IDI1: variants seen among roughly 807,000 people sequenced by gnomAD.
The protein encoded by IDI1 is isopentenyl-diphosphate Delta-isomerase 1.
Under a neutral mutation model 32.9 loss-of-function variants are expected in IDI1, and 23 were observed. The observed-to-expected ratio is 0.70, with a 90% CI of 0.50 to 0.99. The LOEUF (loss-of-function observed/expected upper bound fraction) is 0.99, where lower values mean the gene tolerates loss of function less well. Ranked by LOEUF, IDI1 falls within the 50% of genes least tolerant of loss-of-function variation. The pLI is 0.00. For missense variants in IDI1, 326 were observed against 351.9 expected, an observed-to-expected ratio of 0.93 and a Z score of 0.59; for synonymous variants, 133 against 128.2, an observed-to-expected ratio of 1.04 and a Z score of -0.25.
the IDI1 span, among the ~76,000 whole-genome samples, chr10:1,055,958 G>A: frequency 6.6e-6 from 1 of 152,186 alleles, no homozygotes; most frequent in South Asian, 2.1e-4. Context: ...ACAGGCGCGC[G>A]CCGCCACGCC....
At chr10:1,052,064 G>A (rs907456103), upstream of IDI1, among the ~76,000 whole-genome samples, 13 of 152,078 alleles carry the variant, frequency 8.5e-5, no homozygotes, top group African/African-American at 2.9e-4. Flanking sequence ...GTAGAGCTTG[G>A]GTTTCACCAT....
At chr10:1,043,584 C>A (rs760811393) in intron 2 of IDI1, 191 bp from the exon 3 acceptor site, 1 of 686,724 alleles carries the variant, frequency 1.5e-6, no homozygotes, top group Non-Finnish European at 2.7e-6. Context: ...AGTTGGCCGT[C>A]GAGTGAAGGA....
At position 1,041,120 on chromosome 10, in the gene IDI1, T is replaced by C; in HGVS notation, c.*67A>G. Reference sequence around the variant, plus strand: ...GATAAATTAATGATAGAACTAAATTTAAAAGGAAAAAGTCATTCTAAGTTT... The same window carrying C: ...GATAAATTAATGATAGAACTAAATTCAAAAGGAAAAAGTCATTCTAAGTTT... On this transcript the variant is annotated 3_prime_UTR_variant, in exon 5 of 5. Transcript: ENST00000381344. 1 of 903,104 alleles carries C rather than the reference T, an allele frequency of 1.1e-6. No individual in the cohort carries two copies. Among genetic ancestry groups the C allele is most frequent in the Non-Finnish European group, 1.7e-6 (1 of 600,924 alleles). 55.9% of individuals were successfully genotyped at this position (903,104 alleles called of 1,614,324 possible). A position where few individuals can be genotyped will look rare whatever the true frequency, so the allele number is the denominator to read the frequency against.
At chr10:1,044,682 C>G (rs1832746114) in intron 1 of IDI1, among the ~76,000 whole-genome samples, 1 of 152,184 alleles carries the variant, frequency 6.6e-6, no homozygotes, top group Non-Finnish European at 1.5e-5. Context: ...ATTCAATAAC[C>G]TTTCTACCAA....
At chr10:1,044,393 G>T (rs1832734299) in intron 1 of IDI1, among the ~76,000 whole-genome samples, 1 of 152,156 alleles carries the variant, frequency 6.6e-6, no homozygotes. Flanking sequence ...TGCTCCTGAA[G>T]GCCAAGCTCA....
chr10:1,048,322 T>C (rs1366775125), intron 1 of IDI1: 5 of 1,304,626 alleles, frequency 3.8e-6, no homozygotes, highest in Middle Eastern at 2.1e-4. Context: ...GTTCCATCTA[T>C]GCGATGCTCC....
chr10:1,050,938 AG>A (rs1381874919), upstream of IDI1, among the ~76,000 whole-genome samples: 1 of 152,262 alleles, frequency 6.6e-6, no homozygotes, highest in Non-Finnish European at 1.5e-5. Context: ...ATTTTTTAAT[AG>A]CCTTTTCAAA....
chr10:1,041,797 CTTCT>C (rs200180019), intron 4 of IDI1, among the ~76,000 whole-genome samples: 1,683 of 140,232 alleles, frequency 0.012, 19 homozygotes, highest in Non-Finnish European at 0.016. Flanking sequence ...ATGTGACATT[CTTCT>C]TTTTCTTCTT....
intron 2 of IDI1, chr10:1,043,730 G>C (rs1429516047): frequency 1.5e-6 from 1 of 653,896 alleles, no homozygotes; most frequent in Non-Finnish European, 2.8e-6. Context: ...TTAGAGGCTA[G>C]GCTGCTGCTG....
In IDI1 at chr10:1,043,863, C is replaced by CT. The variant is rs1250545395; in HGVS notation, c.313+135dup. On this transcript the variant is annotated intron_variant, in intron 2 of 4. Transcript: ENST00000381344. ...AGCAAAGCAGATGCTAATGACCACA[C>CT]TATTTAACGAACTGGAACCAACGAG... The CT allele has an allele frequency of 3.5e-5, 25 of 721,112 alleles. No homozygotes were observed. In the Admixed American group the frequency reaches 4.1e-4, roughly 12 times the overall value. 44.7% of individuals were successfully genotyped at this position (721,112 alleles called of 1,614,324 possible).
Position 1,048,184 on chromosome 10 carries a change from T to A in IDI1, c.140+680A>T, listed in dbSNP as rs1832857863. Reference sequence around the variant, plus strand: ...GTAATGACAATTGCTCTTTCAGGATTTTCAGAATTCAGATTTTAAAGCTAA... The same window carrying A: ...GTAATGACAATTGCTCTTTCAGGATATTCAGAATTCAGATTTTAAAGCTAA... On this transcript the variant is annotated intron_variant, in intron 1 of 4. Coordinates refer to ENST00000381344, the MANE Select transcript of IDI1 (RefSeq NM_004508.4). 2.4e-6 allele frequency: 3 copies of A among 1,230,564 alleles called. No homozygotes were observed. The African/African-American group carries it at 4.7e-5, about 19-fold the overall frequency. The allele number at this position is 1,230,564 out of a possible 1,614,324, so 76.2% of individuals were successfully genotyped here.
intron 3 of IDI1, among the ~76,000 whole-genome samples, 164 bp downstream of exon 3, chr10:1,043,137 G>C (rs545497221): frequency 6.6e-6 from 1 of 152,122 alleles, no homozygotes; most frequent in Non-Finnish European, 1.5e-5. Flanking sequence ...ATTTTTTCTT[G>C]CTGTTGTATT....
chr10:1,050,731 G>A (rs1302125665), upstream of IDI1, among the ~76,000 whole-genome samples: 3 of 152,170 alleles, frequency 2.0e-5, no homozygotes, highest in Non-Finnish European at 4.4e-5. Context: ...CTGGGACAGT[G>A]AAGACACACC....
chr10:1,048,871 G>A lies in IDI1; in HGVS notation c.133C>T (p.Leu45=), dbSNP rs1189913011. 7 of 1,606,070 alleles carry A rather than the reference G, an allele frequency of 4.4e-6. No homozygotes were observed. Among genetic ancestry groups the A allele is most frequent in the Middle Eastern group, 1.8e-4 (1 of 5,660 alleles). ...GCCGCCCGTCCACAGTACCTGATCA[G>A]CCTCCGGCCACAGACAACCGCCGGT... ...PGPAVVCGRR[L]ISVLEQIRHF... Residue 45 remains leucine, a synonymous_variant, in exon 1 of 5, where the codon CTG becomes TTG. Transcript: ENST00000381344.
Position 1,040,064 on chromosome 10 carries a change from C to G in IDI1, c.*1123G>C, listed in dbSNP as rs547986774. ...ATAAATTTTTATTTTTCTTCATTATCATACAGCATTTAAGAATAATAAATC... is the reference window on the plus strand; with the variant it reads ...ATAAATTTTTATTTTTCTTCATTATGATACAGCATTTAAGAATAATAAATC... On this transcript the variant is annotated 3_prime_UTR_variant, in exon 5 of 5. Coordinates refer to ENST00000381344, the MANE Select transcript of IDI1 (RefSeq NM_004508.4). 4 of 152,274 alleles carry G rather than the reference C, an allele frequency of 2.6e-5. No homozygotes were observed. In the East Asian group the frequency reaches 7.7e-4, roughly 29 times the overall value. 9.4% of individuals were successfully genotyped at this position (152,274 alleles called of 1,614,324 possible). A position where few individuals can be genotyped will look rare whatever the true frequency, so the allele number is the denominator to read the frequency against.
intron 4 of IDI1, 119 bp from the exon 5 acceptor site, chr10:1,041,623 A>C: frequency 3.8e-6 from 2 of 525,490 alleles, no homozygotes; most frequent in Non-Finnish European, 3.3e-6. Context: ...TAGGATTAGA[A>C]CTTGGTTAAA....
chr10:1,048,867 A>ATC lies in IDI1; in HGVS notation c.135_136dup (p.Ile46ArgfsTer5). 1 of 1,606,168 alleles carries ATC rather than the reference A, an allele frequency of 6.2e-7. No individual in the cohort carries two copies. Among genetic ancestry groups the ATC allele is most frequent in the Non-Finnish European group, 8.5e-7 (1 of 1,177,326 alleles). ...CTCCGCCGCCCGTCCACAGTACCTG[A>ATC]TCAGCCTCCGGCCACAGACAACCGC... On this transcript the variant is annotated frameshift_variant, in exon 1 of 5. Coordinates refer to ENST00000381344, the MANE Select transcript of IDI1 (RefSeq NM_004508.4). LOFTEE classifies it high-confidence loss of function.
chr10:1,052,847 A>G (rs937455012), upstream of IDI1, among the ~76,000 whole-genome samples: 1 of 152,230 alleles, frequency 6.6e-6, no homozygotes, highest in African/African-American at 2.4e-5. Context: ...CTCTGAAGCC[A>G]GGCTTTGACT....
intron 1 of IDI1, chr10:1,048,174 C>T (rs770268377): frequency 8.4e-7 from 1 of 1,192,546 alleles, no homozygotes; most frequent in Non-Finnish European, 1.1e-6. Context: ...GACAATTGCT[C>T]TTTCAGGATT....
Sources: gnomAD v4.1 joint callset for allele counts (sites outside exome capture counted in the v4.1 genomes callset) on GRCh38, gnomAD v4.1.1 for gene constraint, MANE v1.5 for transcripts, NCBI Gene and HGNC (gene_info 2026-07-23, HGNC 2026-07-21) for gene names.